The following UGGT2 variants were observed in gnomAD, a reference collection of about 807,000 sequenced individuals.
UGGT2 encodes the protein UDP-glucose:glycoprotein glucosyltransferase 2.
In UGGT2, 180 loss-of-function variants were observed where a neutral mutation model predicts 192.1. The observed-to-expected ratio is 0.94, with a 90% CI of 0.83 to 1.06. The LOEUF (loss-of-function observed/expected upper bound fraction) is 1.06. Among genes scored for constraint, UGGT2 ranks in the 50% least tolerant of loss-of-function variants. UGGT2 has a pLI of 0.00. For missense variants in UGGT2, 1,849 were observed against 1,795.7 expected (o/e 1.03, Z -0.54); for synonymous variants, 580 against 591.0 (o/e 0.98, Z 0.27).
chr13:95,942,238 G>C (rs2049714634), intron 15 of UGGT2, among the ~76,000 whole-genome samples: 1 of 139,384 alleles, frequency 7.2e-6, no homozygotes, highest in South Asian at 2.2e-4. Flanking sequence ...GTGTGTGTGT[G>C]TGTGTGTGTG....
Position 95,801,698 on chromosome 13 carries a change from C to G in UGGT2, c.*92G>C. ...GAATATGTCACTGATCTTAACGAGA[C>G]TTCCAAATCGTCTCAGCAGGGGCTC... On this transcript the variant is annotated 3_prime_UTR_variant, in exon 39 of 39. Transcript: ENST00000376747. The G allele has an allele frequency of 7.5e-7, 1 of 1,339,520 alleles. No homozygotes were observed. Among genetic ancestry groups the G allele is most frequent in the Non-Finnish European group, 1.0e-6 (1 of 958,886 alleles). The allele number at this position is 1,339,520 out of a possible 1,614,324, so 83.0% of individuals were successfully genotyped here.
chr13:95,944,563 T>C (rs142669589), intron 15 of UGGT2, among the ~76,000 whole-genome samples: 111 of 152,162 alleles, frequency 7.3e-4, no homozygotes, highest in Admixed American at 1.7e-3. Flanking sequence ...ACCTCTATGA[T>C]AGTTTGTCAA....
chr13:95,838,534 C>T (rs898740400), intron 36 of UGGT2, among the ~76,000 whole-genome samples: 18 of 152,088 alleles, frequency 1.2e-4, no homozygotes, highest in Admixed American at 6.6e-5. Context: ...CACTACCACA[C>T]TTGAAGTCTT....
At chr13:95,910,065 C>G (rs2048437833) in intron 20 of UGGT2, among the ~76,000 whole-genome samples, 1 of 152,098 alleles carries the variant, frequency 6.6e-6, no homozygotes, top group African/African-American at 2.4e-5. Flanking sequence ...ACCACGAGGC[C>G]TGCCTTACAA....
At chr13:95,925,173 C>A (rs2048979881) in intron 20 of UGGT2, among the ~76,000 whole-genome samples, 1 of 152,020 alleles carries the variant, frequency 6.6e-6, no homozygotes, top group Non-Finnish European at 1.5e-5. Context: ...CTTTTATATA[C>A]AGAAATATAT....
At chr13:95,902,375 C>T (rs1257942661) in intron 21 of UGGT2, among the ~76,000 whole-genome samples, 1 of 152,108 alleles carries the variant, frequency 6.6e-6, no homozygotes, top group Non-Finnish European at 1.5e-5. Flanking sequence ...TTTTGTCTGT[C>T]TTTCCTCCTA....
At chr13:95,969,803 C>A (rs558479592) in intron 12 of UGGT2, among the ~76,000 whole-genome samples, 2 of 152,316 alleles carry the variant, frequency 1.3e-5, no homozygotes, top group Non-Finnish European at 1.5e-5. Context: ...TTTATATACA[C>A]CTCAGATTTT....
chr13:95,957,318 G>GTATA (rs1326185049), intron 12 of UGGT2, among the ~76,000 whole-genome samples: 1 of 152,208 alleles, frequency 6.6e-6, no homozygotes, highest in East Asian at 1.9e-4. Context: ...TTTATGCCAT[G>GTATA]TATATCTAAC....
At chr13:95,815,145 T>G (rs575433859) in intron 38 of UGGT2, among the ~76,000 whole-genome samples, 11 of 152,308 alleles carry the variant, frequency 7.2e-5, no homozygotes, top group Admixed American at 7.2e-4. Flanking sequence ...CTAAATGCCT[T>G]CTCACTAAGA....
At chr13:95,821,424 T>C (rs866845602) in intron 38 of UGGT2, among the ~76,000 whole-genome samples, 1 of 152,176 alleles carries the variant, frequency 6.6e-6, no homozygotes, top group African/African-American at 2.4e-5. Flanking sequence ...TGCCCACGTT[T>C]GATGGGATTA....
chr13:95,811,292 T>A (rs1487529865), intron 38 of UGGT2, among the ~76,000 whole-genome samples: 1 of 152,212 alleles, frequency 6.6e-6, no homozygotes, highest in Non-Finnish European at 1.5e-5. Context: ...ACTTAAAACC[T>A]GTATATAAAT....
At chr13:96,009,740 G>A (rs190313929) in intron 5 of UGGT2, among the ~76,000 whole-genome samples, 7 of 152,214 alleles carry the variant, frequency 4.6e-5, no homozygotes, top group Admixed American at 1.3e-4. Flanking sequence ...CCCAAGAGGC[G>A]GAGGTTGCAG....
At chr13:95,919,632 A>T (rs985678232) in intron 20 of UGGT2, among the ~76,000 whole-genome samples, 36 of 152,298 alleles carry the variant, frequency 2.4e-4, no homozygotes, top group Non-Finnish European at 8.8e-5. Flanking sequence ...AATACCTAGG[A>T]ATATAGCTAA....
At chr13:95,979,401 T>C (rs1399327209) in intron 10 of UGGT2, among the ~76,000 whole-genome samples, 1 of 152,152 alleles carries the variant, frequency 6.6e-6, no homozygotes, top group Admixed American at 6.6e-5. Flanking sequence ...AGAAGAATTA[T>C]GCCAATCCTG....
chr13:95,879,148 G>A (rs541171549), intron 27 of UGGT2, among the ~76,000 whole-genome samples: 112 of 152,278 alleles, frequency 7.4e-4, no homozygotes, highest in African/African-American at 2.5e-3. Context: ...CAAAGTGACT[G>A]TAAAGTAAAG....
chr13:95,890,801 A>G, intron 25 of UGGT2, 61 bp downstream of exon 25: 1 of 1,308,742 alleles, frequency 7.6e-7, no homozygotes. Flanking sequence ...ATTTGAAAAC[A>G]GACTTGAAAA....
At position 95,930,530 on chromosome 13, in the gene UGGT2, C is replaced by G. The variant is rs370423191; in HGVS notation, c.1978-3194G>C. Among the ~76,000 whole-genome samples, 210 of 152,286 alleles carry G rather than the reference C, an allele frequency of 1.4e-3. No homozygotes were observed. The South Asian group carries it at 0.015, about 11-fold the overall frequency. On this transcript the variant is annotated intron_variant, in intron 17 of 38. Coordinates refer to ENST00000376747, the MANE Select transcript of UGGT2 (RefSeq NM_020121.4). ...TATTGAATCGAGGACCCTTTTCCCACTAATTTTCATCAACTTTTCAAAGCT... is the reference window on the plus strand; with the variant it reads ...TATTGAATCGAGGACCCTTTTCCCAGTAATTTTCATCAACTTTTCAAAGCT...
chr13:95,830,849 T>A (rs902273559), intron 38 of UGGT2, among the ~76,000 whole-genome samples: 1 of 152,268 alleles, frequency 6.6e-6, no homozygotes. Flanking sequence ...TGCGGCACTA[T>A]TCACAATAGC....
intron 5 of UGGT2, among the ~76,000 whole-genome samples, chr13:96,003,231 G>A (rs2034394850): frequency 6.6e-6 from 1 of 152,112 alleles, no homozygotes; most frequent in African/African-American, 2.4e-5. Flanking sequence ...TATTGGCAAG[G>A]TGTTTACAGT....
Sources: gnomAD v4.1 joint callset for allele counts (sites outside exome capture counted in the v4.1 genomes callset) on GRCh38, gnomAD v4.1.1 for gene constraint, MANE v1.5 for transcripts, NCBI Gene and HGNC (gene_info 2026-07-23, HGNC 2026-07-21) for gene names.